CSMD2: variants seen among roughly 807,000 people sequenced by gnomAD.
The protein encoded by CSMD2 is CUB and sushi domain-containing protein 2.
Under a neutral mutation model 398.5 loss-of-function variants are expected in CSMD2, and 130 were observed. The observed-to-expected ratio is 0.33, with a 90% CI of 0.28 to 0.38. The LOEUF is 0.38. Ranked by LOEUF, CSMD2 falls within the 10% of genes least tolerant of loss-of-function variation. The pLI, the probability that CSMD2 is intolerant of heterozygous loss-of-function variation, is 1.00. For missense variants in CSMD2, 3,829 were observed against 4,764.9 expected, an observed-to-expected ratio of 0.80 and a Z score of 5.78; for synonymous variants, 1,828 against 1,908.5, an observed-to-expected ratio of 0.96 and a Z score of 1.10.
intron 2 of CSMD2, among the ~76,000 whole-genome samples, chr1:34,087,577 C>A (rs1010352875): frequency 6.7e-6 from 1 of 150,256 alleles, no homozygotes; most frequent in African/African-American, 2.4e-5. Context: ...TGTAACAAAC[C>A]TGCATGTTCT....
At chr1:33,877,721 G>A (rs1446719076) in intron 5 of CSMD2, among the ~76,000 whole-genome samples, 1 of 151,954 alleles carries the variant, frequency 6.6e-6, no homozygotes, top group African/African-American at 2.4e-5. Flanking sequence ...TAGCTCAAGG[G>A]GGCAAATTGA....
At chr1:33,659,702 C>T (rs1259618944) in intron 26 of CSMD2, among the ~76,000 whole-genome samples, 2 of 152,190 alleles carry the variant, frequency 1.3e-5, no homozygotes, top group Non-Finnish European at 2.9e-5. Context: ...GTTTGAGAAG[C>T]GGCAGCCTAG....
intron 1 of CSMD2, among the ~76,000 whole-genome samples, chr1:34,089,670 C>T (rs1571076251): frequency 6.6e-6 from 1 of 152,090 alleles, no homozygotes; most frequent in Non-Finnish European, 1.5e-5. Context: ...CTAGCCTATC[C>T]CATGCTGTCT....
intron 1 of CSMD2, among the ~76,000 whole-genome samples, chr1:34,122,137 G>C (rs930092188): frequency 8.6e-5 from 13 of 152,000 alleles, no homozygotes; most frequent in African/African-American, 2.7e-4. Context: ...GCAACGTCTG[G>C]AGACATTTTT....
intron 49 of CSMD2, among the ~76,000 whole-genome samples, chr1:33,576,107 T>C (rs184614364): frequency 7.9e-5 from 12 of 152,304 alleles, no homozygotes; most frequent in Admixed American, 3.9e-4. Flanking sequence ...GCATACGTTA[T>C]GATGCGAGAA....
intron 2 of CSMD2, among the ~76,000 whole-genome samples, chr1:34,037,861 A>T (rs1325732858): frequency 1.3e-5 from 2 of 152,218 alleles, no homozygotes; most frequent in African/African-American, 4.8e-5. Context: ...GTTTCTCGGT[A>T]CTATATTGAT....
In CSMD2 at chr1:33,519,159, G is replaced by A. The variant is rs1033737439; in HGVS notation, c.*53+306C>T. Among the ~76,000 whole-genome samples the A allele has an allele frequency of 6.6e-6, 1 of 152,128 alleles. No homozygotes were observed. On this transcript the variant is annotated intron_variant, in intron 70 of 70. Transcript: ENST00000373381. This position sits in a 1 kb window ranked among gnomAD's most constrained non-coding sequence, Gnocchi z 5.6. ...TTCTGGAGCCAGTCAGCCTGGGATT[G>A]GATTTCGACCCCACCCCTTCTGAGC... is the stretch of plus-strand genomic sequence containing the variant.
At chr1:33,574,226 G>T (rs1241629176) in intron 49 of CSMD2, among the ~76,000 whole-genome samples, 1 of 152,050 alleles carries the variant, frequency 6.6e-6, no homozygotes. Context: ...AAAAATGACA[G>T]AACTAACTCA....
At chr1:33,695,358 C>A (rs1475428877) in intron 24 of CSMD2, among the ~76,000 whole-genome samples, 1 of 152,126 alleles carries the variant, frequency 6.6e-6, no homozygotes, top group East Asian at 1.9e-4. Flanking sequence ...CATGACACAT[C>A]AGTGAACTTT....
chr1:34,023,076 T>A (rs1570846111), intron 3 of CSMD2, among the ~76,000 whole-genome samples: 1 of 152,194 alleles, frequency 6.6e-6, no homozygotes, highest in South Asian at 2.1e-4. Context: ...CCTCAAATGA[T>A]CCTCTGGCCT....
At chr1:34,078,926 C>T (rs1656736666) in intron 2 of CSMD2, among the ~76,000 whole-genome samples, 1 of 152,188 alleles carries the variant, frequency 6.6e-6, no homozygotes. Flanking sequence ...CCCTATACAT[C>T]CACTACTAAC....
At chr1:33,581,600 A>ATGGAAT (rs1420931984) in intron 47 of CSMD2, among the ~76,000 whole-genome samples, 1 of 151,188 alleles carries the variant, frequency 6.6e-6, no homozygotes, top group Non-Finnish European at 1.5e-5. Flanking sequence ...AAAAATATTT[A>ATGGAAT]TGGAATGAAT....
intron 41 of CSMD2, among the ~76,000 whole-genome samples, chr1:33,610,540 A>T (rs1366184303): frequency 1.3e-5 from 2 of 152,136 alleles, no homozygotes; most frequent in East Asian, 3.9e-4. Context: ...AGAGAGGTGG[A>T]GCTGTGGTGA....
chr1:33,984,909 ACAGAACCC>A (rs1299279616), intron 3 of CSMD2, among the ~76,000 whole-genome samples: 1 of 152,150 alleles, frequency 6.6e-6, no homozygotes, highest in East Asian at 1.9e-4. Context: ...GAAATCTCAC[ACAGAACCC>A]CAGAACCCCA....
At chr1:34,004,550 CAT>C (rs1382926241) in intron 3 of CSMD2, among the ~76,000 whole-genome samples, 17 of 152,196 alleles carry the variant, frequency 1.1e-4, no homozygotes, top group Middle Eastern at 3.4e-3. Context: ...TCAATAATAA[CAT>C]GTGTCGTCAA....
chr1:34,118,354 G>A (rs1229246137), intron 1 of CSMD2, among the ~76,000 whole-genome samples: 1 of 152,118 alleles, frequency 6.6e-6, no homozygotes, highest in African/African-American at 2.4e-5. Flanking sequence ...CTAAGATCAG[G>A]AACAAGGTAT....
chr1:34,102,630 A>AATCTGGCCATATCCCTGTG (rs1660078729), intron 1 of CSMD2, among the ~76,000 whole-genome samples: 1 of 47,822 alleles, frequency 2.1e-5, no homozygotes, highest in African/African-American at 1.2e-4. Context: ...ATATCCCTGT[A>AATCTGGCCATATCCCTGTG]ATCCGGCCAT....
At chr1:33,744,180 C>T (rs1647189258) in intron 13 of CSMD2, among the ~76,000 whole-genome samples, 1 of 152,126 alleles carries the variant, frequency 6.6e-6, no homozygotes, top group Non-Finnish European at 1.5e-5. Flanking sequence ...AGTCCCTGAC[C>T]CCTCTCAGCT....
chr1:33,609,813 C>T (rs965375140), intron 41 of CSMD2, among the ~76,000 whole-genome samples: 3 of 151,938 alleles, frequency 2.0e-5, no homozygotes, highest in African/African-American at 7.3e-5. Context: ...AGGGTAGTGA[C>T]AGGATGGGAT....
Sources: allele counts gnomAD v4.1 joint callset (sites outside exome capture counted in the v4.1 genomes callset), GRCh38; gene constraint gnomAD v4.1.1; non-coding constraint Gnocchi (gnomAD v3.1); transcripts MANE v1.5; gene names NCBI Gene and HGNC (gene_info 2026-07-23, HGNC 2026-07-21).